Variants in FAM227A observed in about 807,000 individuals in gnomAD.
FAM227A encodes the protein protein FAM227A.
Under a neutral mutation model 74.7 loss-of-function variants are expected in FAM227A, and 80 were observed. The ratio of observed to expected loss-of-function variants is 1.07; its 90% CI spans 0.89 to 1.29. The LOEUF (loss-of-function observed/expected upper bound fraction) is 1.29, where lower values mean the gene tolerates loss of function less well. Ranked by LOEUF, FAM227A falls within the 50% of genes most tolerant of loss-of-function variation. FAM227A has a pLI of 0.00. For synonymous variants in FAM227A, 237 were observed against 241.8 expected (o/e 0.98, Z 0.19); for missense variants, 654 against 683.4 (o/e 0.96, Z 0.48).
chr22:38,611,067 GAAAA>G (rs140650153), intron 11 of FAM227A, among the ~76,000 whole-genome samples: 3 of 149,048 alleles, frequency 2.0e-5, no homozygotes, highest in Non-Finnish European at 4.5e-5. Flanking sequence ...CTCGAAAAAA[GAAAA>G]AAAAAATCTT....
At chr22:38,638,546 C>T (rs2092049613) in intron 5 of FAM227A, among the ~76,000 whole-genome samples, 200 bp downstream of exon 5, 1 of 152,218 alleles carries the variant, frequency 6.6e-6, no homozygotes, top group South Asian at 2.1e-4. Flanking sequence ...CACATGACCT[C>T]TGTCACCTTC....
At chr22:38,629,230 T>C (rs2091869676) in intron 6 of FAM227A, among the ~76,000 whole-genome samples, 2 of 152,188 alleles carry the variant, frequency 1.3e-5, no homozygotes, top group Non-Finnish European at 2.9e-5. Flanking sequence ...TCTCACCTCC[T>C]ACACTCAGCC....
rs1569233467 is a variant in FAM227A at position 38,639,682 on chromosome 22, T to A, written c.268A>T (p.Lys90Ter). The change falls in exon 4 of 17, where the codon AAA becomes TAA. Residue 90 changes from lysine to a stop codon, truncating the protein, a stop_gained. Transcript: ENST00000535113. LOFTEE classifies it high-confidence loss of function. ...FELEKKALRE[K>*]TRSSPEDKVK... ...TTGTCTTCTGGACTGCTGCGAGTTT[T>A]CTCTCTTAAAGCCTTCTTCTCCAAC... 1 of 1,551,908 alleles carries A rather than the reference T, an allele frequency of 6.4e-7. No homozygotes were observed. The highest frequency in any genetic ancestry group is 8.7e-7 in the Non-Finnish European group (1 of 1,147,014).
rs1205278621 is a variant in FAM227A at position 38,578,788 on chromosome 22, G to C, written c.*7337C>G. ...GCAGAAGGAACACAGAGGCTTATTT[G>C]GGGAACTGCAAGTGGTTCTGGTGGA... On this transcript the variant is annotated 3_prime_UTR_variant, in exon 17 of 17. Transcript: ENST00000535113. The C allele has an allele frequency of 6.6e-6, 1 of 152,184 alleles. No individual in the cohort carries two copies. The highest frequency in any genetic ancestry group is 1.5e-5 in the Non-Finnish European group (1 of 68,030). The allele number at this position is 152,184 out of a possible 1,614,324, so 9.4% of individuals were successfully genotyped here.
chr22:38,592,676 T>C (rs1017732919), intron 15 of FAM227A, among the ~76,000 whole-genome samples: 1 of 152,222 alleles, frequency 6.6e-6, no homozygotes, highest in Admixed American at 6.5e-5. Flanking sequence ...CTTGAGACCC[T>C]GTCACTATGA....
At chr22:38,647,482 AAAAT>A (rs899017331) in intron 2 of FAM227A, among the ~76,000 whole-genome samples, 8 of 152,166 alleles carry the variant, frequency 5.3e-5, no homozygotes, top group East Asian at 1.9e-4. Flanking sequence ...AAAAAAAAGA[AAAAT>A]AAATAATGCT....
intron 11 of FAM227A, among the ~76,000 whole-genome samples, chr22:38,608,500 G>T (rs566027501): frequency 1.3e-5 from 2 of 151,660 alleles, no homozygotes; most frequent in African/African-American, 2.4e-5. Flanking sequence ...GCACGATCTC[G>T]GCTCACTGCA....
chr22:38,626,344 C>G (rs746175613), intron 8 of FAM227A, 41 bp from the exon 9 acceptor site: 6 of 1,532,744 alleles, frequency 3.9e-6, no homozygotes, highest in Non-Finnish European at 5.3e-6. Flanking sequence ...CTCAACATTT[C>G]CACCCGGCTT....
At position 38,614,900 on chromosome 22, in the gene FAM227A, A is replaced by G. The variant is rs189163633; in HGVS notation, c.1038+5312T>C. On this transcript the variant is annotated intron_variant, in intron 11 of 16. Coordinates refer to ENST00000535113, the MANE Select transcript of FAM227A (RefSeq NM_001013647.2). ...CCTCTGCAGCACCTATGTCATCTGC[A>G]CTTTTTGGGAACTGACGTTTACAGA... is the stretch of plus-strand genomic sequence containing the variant. Among the ~76,000 whole-genome samples, 4 of 152,288 alleles carry G rather than the reference A, an allele frequency of 2.6e-5. No individual in the cohort carries two copies. The East Asian group carries it at 7.7e-4, about 29-fold the overall frequency.
At chr22:38,643,201 A>G (rs146033604) in intron 3 of FAM227A, among the ~76,000 whole-genome samples, 2,282 of 151,970 alleles carry the variant, frequency 0.015, 26 homozygotes, top group South Asian at 0.05. Context: ...CTGTAATCCC[A>G]GCTACTCAGG....
rs1303516418 is a variant in FAM227A at position 38,582,270 on chromosome 22, T to C, written c.*3855A>G. 1.3e-5 allele frequency: 19 copies of C among 1,435,394 alleles called. No individual in the cohort carries two copies. The highest frequency in any genetic ancestry group is 4.0e-5 in the Admixed American group (2 of 50,110). The allele number at this position is 1,435,394 out of a possible 1,614,324, so 88.9% of individuals were successfully genotyped here. On this transcript the variant is annotated 3_prime_UTR_variant, in exon 17 of 17. Transcript: ENST00000535113. Reference sequence around the variant, plus strand: ...TCCTGTTCTTCAGGAAACTGTATGTTCTAAAACATACATTTCATCATCAAT... The same window carrying C: ...TCCTGTTCTTCAGGAAACTGTATGTCCTAAAACATACATTTCATCATCAAT...
At chr22:38,614,090 A>G (rs1045254156) in intron 11 of FAM227A, among the ~76,000 whole-genome samples, 3 of 152,106 alleles carry the variant, frequency 2.0e-5, no homozygotes, top group African/African-American at 7.2e-5. Context: ...AAGAGCTAGG[A>G]TTCTAGTCCA....
intron 1 of FAM227A, among the ~76,000 whole-genome samples, chr22:38,654,304 G>A (rs748538399): frequency 4.6e-5 from 7 of 151,432 alleles, no homozygotes; most frequent in African/African-American, 7.3e-5. Flanking sequence ...GCCGGATCGC[G>A]CCACTGCACT....
rs1045346963 is a variant in FAM227A at position 38,579,121 on chromosome 22, T to C, written c.*7004A>G. On this transcript the variant is annotated 3_prime_UTR_variant, in exon 17 of 17. Coordinates refer to ENST00000535113, the MANE Select transcript of FAM227A (RefSeq NM_001013647.2). ...AACCACTATATGGCAGGCTTGTATA[T>C]TCATATCTTGACTTTATTTTCCTGT... 5 of 152,212 alleles carry C rather than the reference T, an allele frequency of 3.3e-5. No individual in the cohort carries two copies. Among genetic ancestry groups the C allele is most frequent in the African/African-American group, 1.2e-4 (5 of 41,450 alleles). The allele number at this position is 152,212 out of a possible 1,614,324, so 9.4% of individuals were successfully genotyped here. A position where few individuals can be genotyped will look rare whatever the true frequency, so the allele number is the denominator to read the frequency against.
chr22:38,628,860 A>T lies in FAM227A; in HGVS notation c.595T>A (p.Trp199Arg), dbSNP rs1222106129. 1 of 1,545,080 alleles carries T rather than the reference A, an allele frequency of 6.5e-7. No homozygotes were observed. Among genetic ancestry groups the T allele is most frequent in the Admixed American group, 2.0e-5 (1 of 50,536 alleles). ...SPRAIWLDSF[W>R]WIFHERYQPN... ...TGGTACCTCTCATGAAATATCCACC[A>T]AAAGCTATCCAGCCAGATGGCTCTT... The change falls in exon 7 of 17, where the codon TGG (tryptophan) becomes AGG (arginine). Residue 199 changes from tryptophan (W) to arginine (R), a missense_variant. Physicochemically the swap from Trp to Arg is moderately radical, Grantham distance 101. Transcript: ENST00000535113.
intron 1 of FAM227A, among the ~76,000 whole-genome samples, chr22:38,652,745 C>T (rs895457131): frequency 2.2e-4 from 33 of 150,840 alleles, no homozygotes; most frequent in African/African-American, 7.3e-5. Flanking sequence ...GGCGTGGTGG[C>T]GGGCTCCTGT....
intron 6 of FAM227A, among the ~76,000 whole-genome samples, chr22:38,629,175 C>T (rs573716477): frequency 6.6e-6 from 1 of 152,282 alleles, no homozygotes; most frequent in Non-Finnish European, 1.5e-5. Flanking sequence ...CTGGAACCCA[C>T]AAATCTAGAC....
At chr22:38,627,759 AC>A (rs1306612476) in intron 8 of FAM227A, among the ~76,000 whole-genome samples, 1 of 151,650 alleles carries the variant, frequency 6.6e-6, no homozygotes, top group Non-Finnish European at 1.5e-5. Flanking sequence ...ACTGCCACTC[AC>A]TCCCAGCTAA....
intron 6 of FAM227A, 70 bp from the exon 7 acceptor site, chr22:38,629,005 T>A (rs1418300043): frequency 9.1e-6 from 9 of 988,100 alleles, no homozygotes; most frequent in Non-Finnish European, 1.4e-5. Flanking sequence ...AGTCAATGTA[T>A]TTTAGAATGA....
Sources: allele counts gnomAD v4.1 joint callset (sites outside exome capture counted in the v4.1 genomes callset), GRCh38; gene constraint gnomAD v4.1.1; transcripts MANE v1.5; gene names NCBI Gene and HGNC (gene_info 2026-07-23, HGNC 2026-07-21).